Variants in TMPRSS15 observed in about 807,000 individuals in gnomAD.
The protein encoded by TMPRSS15 is enteropeptidase.
In TMPRSS15, 128 loss-of-function variants were observed where a neutral mutation model predicts 125.3. The observed-to-expected ratio is 1.02, with a 90% confidence interval of 0.89 to 1.18. The LOEUF is 1.18. Among genes scored for constraint, TMPRSS15 ranks in the 50% most tolerant of loss-of-function variants. The probability of loss-of-function intolerance (pLI) is 0.00; values close to 1 mark genes in which losing one functional copy is unlikely to be tolerated. For synonymous variants in TMPRSS15, 446 were observed against 423.2 expected (o/e 1.05, Z -0.66); for missense variants, 1,283 against 1,212.7 (o/e 1.06, Z -0.86).
At chr21:18,451,565 G>A (rs1246124762) in intron 1 of TMPRSS15, among the ~76,000 whole-genome samples, 1 of 152,196 alleles carries the variant, frequency 6.6e-6, no homozygotes, top group Non-Finnish European at 1.5e-5. Flanking sequence ...TTTGGGGACA[G>A]CATTATAGAA....
chr21:18,391,290 C>A (rs2063639032), intron 3 of TMPRSS15, among the ~76,000 whole-genome samples: 1 of 152,226 alleles, frequency 6.6e-6, no homozygotes, highest in Non-Finnish European at 1.5e-5. Flanking sequence ...CTAGACAAGG[C>A]TCTTCTGCCT....
chr21:18,288,174 C>A (rs574732924), intron 21 of TMPRSS15, among the ~76,000 whole-genome samples: 83 of 152,234 alleles, frequency 5.5e-4, no homozygotes, highest in African/African-American at 1.9e-3. Context: ...AAAATCATGT[C>A]TTTTGCAGCA....
intron 1 of TMPRSS15, among the ~76,000 whole-genome samples, chr21:18,458,922 A>T (rs2123270661): frequency 6.6e-6 from 1 of 152,238 alleles, no homozygotes; most frequent in South Asian, 2.1e-4. Flanking sequence ...ATGAAATAAA[A>T]TTTATCTTTT....
chr21:18,433,948 A>C (rs1159426077), intron 1 of TMPRSS15, among the ~76,000 whole-genome samples: 1 of 152,164 alleles, frequency 6.6e-6, no homozygotes, highest in African/African-American at 2.4e-5. Flanking sequence ...TGGCAATTGG[A>C]TACTCACTAC....
chr21:18,341,551 G>A lies in TMPRSS15; in HGVS notation c.1429-3C>T. Reference sequence around the variant, plus strand: ...TTTTTAAAAGCATTAAAAGCAACCTGCAATTCAGAGAGGCATATGAAACGA... The same window carrying A: ...TTTTTAAAAGCATTAAAAGCAACCTACAATTCAGAGAGGCATATGAAACGA... On this transcript the variant is annotated splice_polypyrimidine_tract_variant and splice_region_variant and intron_variant, in intron 12 of 24. Coordinates refer to ENST00000284885, the MANE Select transcript of TMPRSS15 (RefSeq NM_002772.3). The A allele has an allele frequency of 3.1e-6, 5 of 1,613,848 alleles. No individual in the cohort carries two copies. Among genetic ancestry groups the A allele is most frequent in the Non-Finnish European group, 4.2e-6 (5 of 1,179,822 alleles).
At chr21:18,318,747 T>C (rs889132050) in intron 16 of TMPRSS15, among the ~76,000 whole-genome samples, 1 of 152,198 alleles carries the variant, frequency 6.6e-6, no homozygotes, top group Non-Finnish European at 1.5e-5. Context: ...TGAATTAAAA[T>C]AGAGACAAAT....
chr21:18,317,894 CATCCCATCCCATCCT>C (rs201535589), intron 16 of TMPRSS15, among the ~76,000 whole-genome samples: 5 of 143,456 alleles, frequency 3.5e-5, no homozygotes, highest in African/African-American at 1.4e-4. Context: ...CATCCCATCC[CATCCCATCCCATCCT>C]ATCCCAACCC....
rs144183117 is a variant in TMPRSS15 at position 18,333,199 on chromosome 21, C to T, written c.1565-1026G>A. On this transcript the variant is annotated intron_variant, in intron 13 of 24. Transcript: ENST00000284885. Reference sequence around the variant, plus strand: ...ATCTGTACAACCAACCTCCATGACACGAGTTTACCTGTGTAACAAACCTGC... The same window carrying T: ...ATCTGTACAACCAACCTCCATGACATGAGTTTACCTGTGTAACAAACCTGC... Among the ~76,000 whole-genome samples, 50 of 152,032 alleles carry T rather than the reference C, an allele frequency of 3.3e-4. 1 individual carries two copies. In the East Asian group the frequency reaches 7.9e-3, roughly 24 times the overall value.
chr21:18,388,291 A>G (rs2075962696), intron 3 of TMPRSS15, among the ~76,000 whole-genome samples: 1 of 152,190 alleles, frequency 6.6e-6, no homozygotes, highest in South Asian at 2.1e-4. Flanking sequence ...AGGTAGCTAT[A>G]AAGGAGGGGA....
chr21:18,287,108 T>G (rs1238121845), intron 21 of TMPRSS15, among the ~76,000 whole-genome samples: 1 of 152,252 alleles, frequency 6.6e-6, no homozygotes, highest in African/African-American at 2.4e-5. Flanking sequence ...AAGTATTTAT[T>G]TAAATGTTTT....
intron 13 of TMPRSS15, among the ~76,000 whole-genome samples, chr21:18,336,107 T>G (rs1341502441): frequency 1.3e-5 from 2 of 152,150 alleles, no homozygotes; most frequent in Non-Finnish European, 2.9e-5. Context: ...CATTTTTTAC[T>G]CCATGCTTAA....
At chr21:18,340,929 G>T (rs2075439712) in intron 13 of TMPRSS15, among the ~76,000 whole-genome samples, 1 of 152,158 alleles carries the variant, frequency 6.6e-6, no homozygotes, top group East Asian at 1.9e-4. Context: ...GGATTTATGT[G>T]TAACATGTAA....
At chr21:18,351,951 G>T (rs2075573817) in intron 10 of TMPRSS15, among the ~76,000 whole-genome samples, 1 of 152,062 alleles carries the variant, frequency 6.6e-6, no homozygotes, top group African/African-American at 2.4e-5. Flanking sequence ...TTAATGCCTA[G>T]AACCATAGCT....
Position 18,269,718 on chromosome 21 carries a change from G to C in TMPRSS15, c.*251C>G. On this transcript the variant is annotated 3_prime_UTR_variant, in exon 25 of 25. Coordinates refer to ENST00000284885, the MANE Select transcript of TMPRSS15 (RefSeq NM_002772.3). ...ATTAAGAATTTTAAAAATGAGATCT[G>C]TGAAGAAATACCTGTTCACAATGAA... is the stretch of plus-strand genomic sequence containing the variant. 2.4e-6 allele frequency: 1 copy of C among 414,548 alleles called. No homozygotes were observed. The highest frequency in any genetic ancestry group is 4.8e-5 in the East Asian group (1 of 20,742). The allele number at this position is 414,548 out of a possible 1,614,324, so 25.7% of individuals were successfully genotyped here. A position where few individuals can be genotyped will look rare whatever the true frequency, so the allele number is the denominator to read the frequency against.
At chr21:18,477,509 C>T (rs1011260392) in intron 1 of TMPRSS15, 2 of 152,022 alleles carry the variant, frequency 1.3e-5, no homozygotes, top group African/African-American at 4.8e-5. Flanking sequence ...AAGTAACAAA[C>T]ATGGAAATTT....
At chr21:18,277,183 A>G (rs1359802309) in intron 23 of TMPRSS15, among the ~76,000 whole-genome samples, 1 of 152,226 alleles carries the variant, frequency 6.6e-6, no homozygotes, top group Non-Finnish European at 1.5e-5. Flanking sequence ...GTTTATTCCT[A>G]AATGAAATTG....
chr21:18,387,271 TAAC>T (rs1283865612), intron 3 of TMPRSS15, among the ~76,000 whole-genome samples: 1 of 152,140 alleles, frequency 6.6e-6, no homozygotes, highest in Non-Finnish European at 1.5e-5. Flanking sequence ...CCTTGTAAAA[TAAC>T]AGTTTTTCTC....
intron 21 of TMPRSS15, among the ~76,000 whole-genome samples, chr21:18,284,732 CA>C (rs2074742167): frequency 6.6e-6 from 1 of 152,150 alleles, no homozygotes; most frequent in South Asian, 2.1e-4. Context: ...AGGGCATCTT[CA>C]GATAGAAGTT....
At chr21:18,464,459 T>C (rs11908943) in intron 1 of TMPRSS15, among the ~76,000 whole-genome samples, 11,663 of 152,000 alleles carry the variant, frequency 0.077, 1,058 homozygotes, top group African/African-American at 0.22. Flanking sequence ...TTCAAAAAAA[T>C]CAATGAATCC....
Sources: allele counts gnomAD v4.1 joint callset (sites outside exome capture counted in the v4.1 genomes callset), GRCh38; gene constraint gnomAD v4.1.1; transcripts MANE v1.5; gene names NCBI Gene and HGNC (gene_info 2026-07-23, HGNC 2026-07-21).